Variants in LBR observed in about 807,000 individuals in gnomAD.
LBR encodes the protein delta(14)-sterol reductase LBR.
LBR carries 28 observed loss-of-function variants against 74.3 expected under a neutral mutation model. That is an observed-to-expected ratio of 0.38 (90% CI 0.28 to 0.52). The LOEUF (loss-of-function observed/expected upper bound fraction) is 0.52, where lower values mean the gene tolerates loss of function less well. Ranked by LOEUF, LBR falls within the 20% of genes least tolerant of loss-of-function variation. The pLI, the probability that LBR is intolerant of heterozygous loss-of-function variation, is 0.89. For synonymous variants in LBR, 228 were observed against 269.3 expected (o/e 0.85, Z 1.50); for missense variants, 717 against 760.3 (o/e 0.94, Z 0.67).
chr1:225,413,804 T>TA (rs1449677238), intron 7 of LBR: 3 of 359,204 alleles, frequency 8.4e-6, no homozygotes, highest in African/African-American at 6.4e-5. Context: ...CCAGAGTAAT[T>TA]AGATGAGGAA....
At chr1:225,425,921 T>C (rs1036124459) in intron 1 of LBR, among the ~76,000 whole-genome samples, 2 of 152,250 alleles carry the variant, frequency 1.3e-5, no homozygotes, top group African/African-American at 2.4e-5. Context: ...TGCGTGTTCT[T>C]AAAAACTTAT....
intron 13 of LBR, among the ~76,000 whole-genome samples, chr1:225,404,191 G>C (rs10799305): frequency 6.6e-6 from 1 of 152,202 alleles, no homozygotes; most frequent in Non-Finnish European, 1.5e-5. Context: ...ACTTAAAATA[G>C]TGCTTTTAGG....
intron 3 of LBR, among the ~76,000 whole-genome samples, chr1:225,421,434 A>G (rs557366810): frequency 2.0e-4 from 30 of 152,374 alleles, no homozygotes; most frequent in African/African-American, 7.0e-4. Context: ...CGGAGCTTGC[A>G]GTGAGCTGAG....
rs767339628 is a variant in LBR at position 225,403,452 on chromosome 1, T to G, written c.1699A>C (p.Ile567Leu). ...TAAATTATGTAGAAATAAGGCAGAA[T>G]GTGGTTAAAACCTGTGGATAATAAT... The part of the protein sequence containing the change: ...AWSLPCGFNH[I>L]LPYFYIIYFT... The change falls in exon 14 of 14, where the codon ATT (isoleucine) becomes CTT (leucine). Residue 567 changes from isoleucine to leucine, a missense_variant. Ile to Leu is a conservative substitution (Grantham distance 5, BLOSUM62 2). Coordinates refer to ENST00000272163, the MANE Select transcript of LBR (RefSeq NM_002296.4). 2 of 1,610,886 alleles carry G rather than the reference T, an allele frequency of 1.2e-6. No individual in the cohort carries two copies. The highest frequency in any genetic ancestry group is 1.7e-6 in the Non-Finnish European group (2 of 1,177,094).
chr1:225,411,322 A>G lies in LBR; in HGVS notation c.1188+15T>C. The G allele has an allele frequency of 6.3e-7, 1 of 1,584,422 alleles. No homozygotes were observed. Among genetic ancestry groups the G allele is most frequent in the Non-Finnish European group, 8.7e-7 (1 of 1,152,982 alleles). On this transcript the variant is annotated intron_variant, in intron 9 of 13. Transcript: ENST00000272163. ...CTATTGAATTGAAATTTAGAAGAAA[A>G]AAAACCAGACATACCCATCCAATCA...
At chr1:225,422,648 CA>C (rs2096129984) in intron 2 of LBR, among the ~76,000 whole-genome samples, 2 of 147,696 alleles carry the variant, frequency 1.4e-5, no homozygotes, top group African/African-American at 5.0e-5. Flanking sequence ...AAAAAAAAAA[CA>C]GTACCACAGT....
chr1:225,419,473 T>C (rs2096123698), intron 4 of LBR, 21 bp from the exon 5 acceptor site: 2 of 1,542,338 alleles, frequency 1.3e-6, no homozygotes, highest in Non-Finnish European at 1.8e-6. Flanking sequence ...AATTTAAAAA[T>C]TAAATATCTG....
chr1:225,419,906 C>T (rs2096124514), intron 3 of LBR, 108 bp from the exon 4 acceptor site: 2 of 822,876 alleles, frequency 2.4e-6, no homozygotes, highest in Non-Finnish European at 4.2e-6. Context: ...ACAGATTTTT[C>T]ACAGCCTTAA....
intron 5 of LBR, among the ~76,000 whole-genome samples, 200 bp downstream of exon 5, chr1:225,419,053 ATCCTTTCTAC>A (rs2096122723): frequency 6.6e-6 from 1 of 152,198 alleles, no homozygotes; most frequent in Non-Finnish European, 1.5e-5. Context: ...CTACAATGGC[ATCCTTTCTAC>A]TCCATAATCC....
chr1:225,418,811 T>TCA (rs2096122223), intron 5 of LBR, among the ~76,000 whole-genome samples: 1 of 152,180 alleles, frequency 6.6e-6, no homozygotes, highest in African/African-American at 2.4e-5. Flanking sequence ...TCTTTGACCC[T>TCA]CACAATCAAC....
chr1:225,425,670 G>A (rs962265811), intron 1 of LBR, among the ~76,000 whole-genome samples: 3 of 152,132 alleles, frequency 2.0e-5, no homozygotes, highest in African/African-American at 7.2e-5. Flanking sequence ...GAAAGAGGAA[G>A]GAAATGTACC....
chr1:225,403,228 T>G lies in LBR; in HGVS notation c.*75A>C. The G allele has an allele frequency of 1.4e-6, 2 of 1,449,076 alleles. No homozygotes were observed. The highest frequency in any genetic ancestry group is 1.9e-6 in the Non-Finnish European group (2 of 1,030,450). The allele number at this position is 1,449,076 out of a possible 1,614,324, so 89.8% of individuals were successfully genotyped here. A position where few individuals can be genotyped will look rare whatever the true frequency, so the allele number is the denominator to read the frequency against. ...CCCTGTCAGTGCAACAAAAGAAAGT[T>G]TCGGATTTTTTTCCTTGTTTTTGCA... On this transcript the variant is annotated 3_prime_UTR_variant, in exon 14 of 14. Coordinates refer to ENST00000272163, the MANE Select transcript of LBR (RefSeq NM_002296.4).
rs115878098 is a variant in LBR, at chr1:225,422,520, C to T, written c.166-243G>A. ...GTTCTTTGAAGGTATTTCCATGAAA[C>T]GAATGTATCTAAACCAATTAGCTGT... On this transcript the variant is annotated intron_variant, in intron 2 of 13. Coordinates refer to ENST00000272163, the MANE Select transcript of LBR (RefSeq NM_002296.4). 362 of 522,338 alleles carry T rather than the reference C, an allele frequency of 6.9e-4. 1 individual carries two copies. Among genetic ancestry groups the T allele is most frequent in the African/African-American group, 5.6e-3 (295 of 52,296 alleles). The allele number at this position is 522,338 out of a possible 1,614,324, so 32.4% of individuals were successfully genotyped here.
At chr1:225,419,943 T>C in intron 3 of LBR, 145 bp from the exon 4 acceptor site, 1 of 672,292 alleles carries the variant, frequency 1.5e-6, no homozygotes, top group Non-Finnish European at 2.6e-6. Context: ...CCTCATTTTG[T>C]TAAAAATGAA....
chr1:225,427,078 G>C (rs2096140840), intron 1 of LBR, among the ~76,000 whole-genome samples: 2 of 152,216 alleles, frequency 1.3e-5, no homozygotes, highest in Non-Finnish European at 2.9e-5. Context: ...CAGGCGCCGC[G>C]CCTCGCGCTG....
At chr1:225,406,993 G>T (rs1446442199) in intron 10 of LBR, among the ~76,000 whole-genome samples, 161 bp from the exon 11 acceptor site, 1 of 152,146 alleles carries the variant, frequency 6.6e-6, no homozygotes, top group East Asian at 1.9e-4. Flanking sequence ...TGGCCTGCTA[G>T]GTCTTTCTGC....
chr1:225,415,620 T>C (rs1057058343), intron 6 of LBR, among the ~76,000 whole-genome samples: 3 of 152,184 alleles, frequency 2.0e-5, no homozygotes, highest in Non-Finnish European at 2.9e-5. Context: ...CACTCCTGTG[T>C]ACCACCACCT....
Position 225,418,174 on chromosome 1 carries a change from A to G in LBR, c.647T>C (p.Phe216Ser). The G allele has an allele frequency of 6.2e-7, 1 of 1,613,292 alleles. No homozygotes were observed. Among genetic ancestry groups the G allele is most frequent in the Non-Finnish European group, 8.5e-7 (1 of 1,179,390 alleles). ...CACAGGCAGGCCAAACATGATGAGA[A>G]ACACACCTGCAAACAATTCATGAAC... ...DLEFGGVPGVFLIMFGLPVFL... is the reference protein window; with the variant it reads ...DLEFGGVPGVSLIMFGLPVFL... Residue 216 changes from phenylalanine (F) to serine (S), a missense_variant, in exon 6 of 14, where the codon TTT (phenylalanine) becomes TCT (serine). Coordinates refer to ENST00000272163, the MANE Select transcript of LBR (RefSeq NM_002296.4).
At position 225,416,243 on chromosome 1, in the gene LBR, G is replaced by A. The variant is rs80193518; in HGVS notation, c.838-911C>T. Among the ~76,000 whole-genome samples the A allele has an allele frequency of 1.8e-4, 27 of 150,756 alleles. No homozygotes were observed. The East Asian group carries it at 4.9e-3, about 27-fold the overall frequency. ...AGAGAGAGAGAGAGACTGTGAGCACGCATCATGCATCAGAACCATCTCCTC... is the reference window on the plus strand; with the variant it reads ...AGAGAGAGAGAGAGACTGTGAGCACACATCATGCATCAGAACCATCTCCTC... On this transcript the variant is annotated intron_variant, in intron 6 of 13. Transcript: ENST00000272163.
Sources: allele counts gnomAD v4.1 joint callset (sites outside exome capture counted in the v4.1 genomes callset), GRCh38; gene constraint gnomAD v4.1.1; transcripts MANE v1.5; gene names NCBI Gene and HGNC (gene_info 2026-07-23, HGNC 2026-07-21).